MBD5: variants seen among roughly 807,000 people sequenced by gnomAD.
The protein encoded by MBD5 is methyl-CpG binding domain protein 5, also known as methyl-CpG-binding domain protein 5.
A neutral mutation model predicts 117.3 loss-of-function variants in MBD5; 13 were observed. The ratio of observed to expected loss-of-function variants is 0.11; its 90% CI spans 0.07 to 0.18. The LOEUF (loss-of-function observed/expected upper bound fraction) is 0.18, where lower values mean the gene tolerates loss of function less well. MBD5 is among the 10% of genes least tolerant of loss of function. The probability of loss-of-function intolerance (pLI) is 1.00; values close to 1 mark genes in which losing one functional copy is unlikely to be tolerated. For synonymous variants in MBD5, 727 were observed against 766.4 expected, an observed-to-expected ratio of 0.95 and a Z score of 0.85; for missense variants, 1,879 against 2,093.8, an observed-to-expected ratio of 0.90 and a Z score of 2.00.
chr2:148,483,749 C>T lies in MBD5; in HGVS notation c.3158C>T (p.Pro1053Leu). 1 of 1,550,570 alleles carries T rather than the reference C, an allele frequency of 6.4e-7. No homozygotes were observed. The highest frequency in any genetic ancestry group is 8.7e-7 in the Non-Finnish European group (1 of 1,146,960). ...CGAGCTGAGACCCTTTTAACCAGCC[C>T]CCTGGGGAACCCTTTACCAAGCTTT... Reference protein sequence around the residue: ...NSRAETLLTSPLGNPLPSFAG... With the variant: ...NSRAETLLTSLLGNPLPSFAG... Residue 1053 changes from proline to leucine, a missense_variant, in exon 9 of 14, where the codon CCC becomes CTC. By Grantham distance (98) the Pro-to-Leu change is moderately conservative (BLOSUM62 -3). Around this residue, in one of 4 missense-constraint regions of MBD5, gnomAD observed 1,666 missense variants for 1,792.2 expected, o/e 0.93. Coordinates refer to ENST00000642680, the MANE Select transcript of MBD5 (RefSeq NM_001378120.1).
At chr2:148,338,771 T>C (rs942134844) in intron 3 of MBD5, among the ~76,000 whole-genome samples, 5 of 152,194 alleles carry the variant, frequency 3.3e-5, no homozygotes, top group Admixed American at 2.6e-4. Context: ...AACAGGCCTT[T>C]GTATGCTGGG....
chr2:148,329,175 C>G (rs946055577), intron 3 of MBD5, among the ~76,000 whole-genome samples: 7 of 152,132 alleles, frequency 4.6e-5, no homozygotes, highest in Non-Finnish European at 1.0e-4. Flanking sequence ...TCAGATGGAG[C>G]AAATACTGTA....
intron 1 of MBD5, among the ~76,000 whole-genome samples, chr2:148,111,496 G>GA (rs1181178935): frequency 2.7e-5 from 4 of 150,268 alleles, no homozygotes; most frequent in Non-Finnish European, 3.0e-5. Context: ...AAATTGAAAG[G>GA]AAAAAAAAGC....
intron 3 of MBD5, among the ~76,000 whole-genome samples, chr2:148,304,781 C>T (rs1701851116): frequency 6.6e-6 from 1 of 151,994 alleles, no homozygotes; most frequent in East Asian, 1.9e-4. Context: ...TTAAAAGGCA[C>T]GCCGGGCGCG....
At chr2:148,386,534 C>G (rs1423380976) in intron 4 of MBD5, among the ~76,000 whole-genome samples, 1 of 151,184 alleles carries the variant, frequency 6.6e-6, no homozygotes, top group African/African-American at 2.4e-5. Flanking sequence ...CCGGCTAAAA[C>G]GGTGAAACCC....
intron 2 of MBD5, among the ~76,000 whole-genome samples, chr2:148,232,109 C>T (rs1321009470): frequency 1.3e-5 from 2 of 152,250 alleles, no homozygotes; most frequent in East Asian, 1.9e-4. Context: ...TGAGAGAAGA[C>T]AAAGGTCAAA....
intron 1 of MBD5, among the ~76,000 whole-genome samples, chr2:148,157,352 A>G (rs994193688): frequency 7.0e-6 from 1 of 143,210 alleles, no homozygotes; most frequent in South Asian, 2.1e-4. Context: ...GTGTTTTACT[A>G]TAATAATGCT....
chr2:148,074,495 G>GT (rs1034437368), intron 1 of MBD5, among the ~76,000 whole-genome samples: 5,372 of 109,564 alleles, frequency 0.049, 152 homozygotes, highest in Middle Eastern at 0.1. Context: ...TTTTTTTTTT[G>GT]TTTTTTTTTT....
At position 148,389,189 on chromosome 2, in the gene MBD5, GTGTGT is replaced by G. The variant is rs1704474418; in HGVS notation, c.-557+46854_-557+46858del. Among the ~76,000 whole-genome samples, 4 of 12,838 alleles carry G rather than the reference GTGTGT, an allele frequency of 3.1e-4. No homozygotes were observed. The South Asian group carries it at 9.3e-3, about 30-fold the overall frequency. The allele number at this position is 12,838 out of a possible 152,430, so 8.4% of individuals were successfully genotyped here. A position where few individuals can be genotyped will look rare whatever the true frequency, so the allele number is the denominator to read the frequency against. On this transcript the variant is annotated intron_variant, in intron 4 of 13. Transcript: ENST00000642680. ...TTATGGCTCCATAGTATTCCGTGGT[GTGTGT>G]GTGTGTGTGTGTGTGTGTGTGTGTG... is the stretch of plus-strand genomic sequence containing the variant.
At chr2:148,135,973 A>G (rs1312954852) in intron 1 of MBD5, among the ~76,000 whole-genome samples, 3 of 152,162 alleles carry the variant, frequency 2.0e-5, no homozygotes, top group Non-Finnish European at 4.4e-5. Flanking sequence ...CAGCAGCCCT[A>G]GCAGGGAACA....
chr2:148,152,269 C>T (rs1697698942), intron 1 of MBD5, among the ~76,000 whole-genome samples: 1 of 151,974 alleles, frequency 6.6e-6, no homozygotes, highest in African/African-American at 2.4e-5. Flanking sequence ...ATTCTTAATC[C>T]TGAGTTCTAG....
chr2:148,398,775 T>C (rs896908932), intron 4 of MBD5, among the ~76,000 whole-genome samples: 2 of 152,238 alleles, frequency 1.3e-5, no homozygotes, highest in Admixed American at 1.3e-4. Flanking sequence ...CTAGGGATTT[T>C]ATGGTTTTAG....
rs142908740 is a variant in MBD5, at chr2:148,198,440, A to G, written c.-831+19647A>G. On this transcript the variant is annotated intron_variant, in intron 2 of 13. Coordinates refer to ENST00000642680, the MANE Select transcript of MBD5 (RefSeq NM_001378120.1). ...GTTGTTACAAGGAGTAAAGGAAATA[A>G]TGTACATAAAGCATTTGGTGAGGTT... is the stretch of plus-strand genomic sequence containing the variant. Among the ~76,000 whole-genome samples the G allele has an allele frequency of 3.9e-4, 59 of 152,290 alleles. No individual in the cohort carries two copies. In the East Asian group the frequency reaches 8.3e-3, roughly 21 times the overall value.
At chr2:148,053,149 T>C (rs185354258) in intron 1 of MBD5, among the ~76,000 whole-genome samples, 112 of 152,262 alleles carry the variant, frequency 7.4e-4, no homozygotes, top group Non-Finnish European at 1.2e-3. Flanking sequence ...TTGAACTGTC[T>C]ATTTCTCCTG....
intron 1 of MBD5, among the ~76,000 whole-genome samples, chr2:148,139,356 G>A (rs1271005314): frequency 6.6e-6 from 1 of 152,018 alleles, no homozygotes; most frequent in Non-Finnish European, 1.5e-5. Context: ...ACAGGCATGC[G>A]CCACCACGCC....
At chr2:148,028,934 T>C (rs1314515739) in intron 1 of MBD5, among the ~76,000 whole-genome samples, 1 of 152,112 alleles carries the variant, frequency 6.6e-6, no homozygotes, top group Non-Finnish European at 1.5e-5. Flanking sequence ...TTTTAGACAA[T>C]GTAATCTAGT....
At chr2:148,036,996 T>C (rs1297987706) in intron 1 of MBD5, among the ~76,000 whole-genome samples, 1 of 146,232 alleles carries the variant, frequency 6.8e-6, no homozygotes, top group Non-Finnish European at 1.5e-5. Context: ...GAGATAATTA[T>C]AAATGGTTGC....
intron 2 of MBD5, among the ~76,000 whole-genome samples, chr2:148,192,005 T>G (rs1336961712): frequency 1.4e-5 from 1 of 69,614 alleles, no homozygotes; most frequent in East Asian, 4.7e-4. Context: ...CTAGAAAATC[T>G]AGAAGAAATG....
chr2:148,151,877 C>A (rs910557782), intron 1 of MBD5, among the ~76,000 whole-genome samples: 3 of 151,894 alleles, frequency 2.0e-5, no homozygotes, highest in African/African-American at 4.8e-5. Context: ...TTTTGTTGAT[C>A]CTTTCAAAAA....
Sources: gnomAD v4.1 joint callset for allele counts (sites outside exome capture counted in the v4.1 genomes callset) on GRCh38, gnomAD v4.1.1 for gene constraint, gnomAD v4.1.1 regional missense constraint, MANE v1.5 for transcripts, NCBI Gene and HGNC (gene_info 2026-07-23, HGNC 2026-07-21) for gene names.